Variants in DTNA observed in about 807,000 individuals in gnomAD.
DTNA encodes the protein dystrophin-related protein 3.
A neutral mutation model predicts 100.7 loss-of-function variants in DTNA; 43 were observed. That is an observed-to-expected ratio of 0.43 (90% CI 0.33 to 0.55). DTNA has a LOEUF of 0.55. DTNA is among the 20% of genes least tolerant of loss of function. The pLI, the probability that DTNA is intolerant of heterozygous loss-of-function variation, is 0.04. For synonymous variants in DTNA, 349 were observed against 347.9 expected, an observed-to-expected ratio of 1.00 and a Z score of -0.04; for missense variants, 798 against 953.9, an observed-to-expected ratio of 0.84 and a Z score of 2.15.
intron 1 of DTNA, chr18:34,558,261 CA>C (rs1446949395): frequency 6.5e-6 from 1 of 153,550 alleles, no homozygotes; most frequent in Non-Finnish European, 1.4e-5. Context: ...GACTTGCGCC[CA>C]CTGTCTGGCA....
chr18:34,848,982 C>A (rs577519212), intron 14 of DTNA, among the ~76,000 whole-genome samples: 38 of 152,286 alleles, frequency 2.5e-4, no homozygotes, highest in African/African-American at 9.1e-4. Flanking sequence ...TATCAGAGCC[C>A]TTCATGCTGA....
At chr18:34,674,324 A>G (rs2077139709) in intron 1 of DTNA, among the ~76,000 whole-genome samples, 1 of 152,230 alleles carries the variant, frequency 6.6e-6, no homozygotes, top group East Asian at 1.9e-4. Context: ...CTATGCCCTT[A>G]ATAGGAAGTA....
chr18:34,829,669 C>T (rs371375166), intron 11 of DTNA, among the ~76,000 whole-genome samples, 180 bp downstream of exon 11: 2 of 152,168 alleles, frequency 1.3e-5, no homozygotes, highest in Non-Finnish European at 2.9e-5. Context: ...GCAGCTCTTT[C>T]CTCTCCTTTC....
intron 12 of DTNA, among the ~76,000 whole-genome samples, chr18:34,838,448 AT>A (rs1229825927): frequency 5.9e-5 from 9 of 152,226 alleles, no homozygotes; most frequent in Non-Finnish European, 1.3e-4. Flanking sequence ...ACCAATTTCA[AT>A]GTATTTACTC....
At position 34,624,277 on chromosome 18, in the gene DTNA, A is replaced by G. The variant is rs28606636; in HGVS notation, c.-2+130763A>G. On this transcript the variant is annotated intron_variant, in intron 1 of 19. Transcript: ENST00000283365. ...TTAATCTCAAAATCTTCAGTGTCTCATAAAGACACTGAAGTAAATAACAAT... is the reference window on the plus strand; with the variant it reads ...TTAATCTCAAAATCTTCAGTGTCTCGTAAAGACACTGAAGTAAATAACAAT... 5.2e-3 allele frequency among the ~76,000 whole-genome samples: 789 copies of G among 152,344 alleles called. 7 individuals are homozygous for G. The highest frequency in any genetic ancestry group is 0.018 in the African/African-American group (750 of 41,574).
intron 9 of DTNA, chr18:34,825,154 T>G: frequency 2.2e-6 from 3 of 1,392,312 alleles, no homozygotes; most frequent in Non-Finnish European, 3.1e-6. Flanking sequence ...TAAATAGAAA[T>G]GAGCAGGTGG....
chr18:34,702,381 G>A (rs970640881), intron 1 of DTNA, among the ~76,000 whole-genome samples: 1 of 152,126 alleles, frequency 6.6e-6, no homozygotes, highest in Non-Finnish European at 1.5e-5. Flanking sequence ...TAACAGAGAC[G>A]ATACAAGTCA....
intron 1 of DTNA, among the ~76,000 whole-genome samples, chr18:34,540,333 T>G (rs2044129523): frequency 6.6e-6 from 1 of 152,040 alleles, no homozygotes; most frequent in Admixed American, 6.6e-5. Context: ...AGATTTTATG[T>G]AGCTCCTAAT....
chr18:34,773,486 G>A (rs2093889179), intron 3 of DTNA, among the ~76,000 whole-genome samples: 1 of 152,180 alleles, frequency 6.6e-6, no homozygotes, highest in Admixed American at 6.5e-5. Flanking sequence ...TTCACAGTTG[G>A]GGAAATAAAC....
intron 3 of DTNA, among the ~76,000 whole-genome samples, chr18:34,774,730 C>T (rs902085834): frequency 2.0e-5 from 3 of 152,306 alleles, no homozygotes; most frequent in African/African-American, 7.2e-5. Context: ...TCACTCTCAC[C>T]TGTCGAAGAG....
At chr18:34,799,264 G>A (rs770060329) in intron 4 of DTNA, among the ~76,000 whole-genome samples, 5 of 152,074 alleles carry the variant, frequency 3.3e-5, no homozygotes, top group Non-Finnish European at 5.9e-5. Flanking sequence ...TGGGCCATTT[G>A]AACACCCATG....
intron 1 of DTNA, among the ~76,000 whole-genome samples, chr18:34,514,956 C>T (rs1339822858): frequency 6.6e-6 from 1 of 151,836 alleles, no homozygotes; most frequent in Non-Finnish European, 1.5e-5. Flanking sequence ...TGAAACTCAC[C>T]CTGTGCTGGC....
chr18:34,888,208 G>A lies in DTNA; in HGVS notation c.*474G>A. 2 of 985,804 alleles carry A rather than the reference G, an allele frequency of 2.0e-6. No homozygotes were observed. The highest frequency in any genetic ancestry group is 9.4e-5 in the South Asian group (2 of 21,284). The allele number at this position is 985,804 out of a possible 1,614,324, so 61.1% of individuals were successfully genotyped here. A position where few individuals can be genotyped will look rare whatever the true frequency, so the allele number is the denominator to read the frequency against. On this transcript the variant is annotated 3_prime_UTR_variant, in exon 23 of 23. Transcript: ENST00000444659. ...ACAATATTAATACTGTTTATAGCTA[G>A]AAGTTTGATTTCTGAATTCTTTGAG... is the stretch of plus-strand genomic sequence containing the variant.
At chr18:34,668,731 C>T (rs1008436305) in intron 1 of DTNA, among the ~76,000 whole-genome samples, 43 of 152,044 alleles carry the variant, frequency 2.8e-4, no homozygotes, top group Admixed American at 7.2e-4. Flanking sequence ...TGTAGTTGAG[C>T]GGTTTTGAGT....
At chr18:34,789,208 T>C (rs758025768) in intron 3 of DTNA, among the ~76,000 whole-genome samples, 2 of 152,230 alleles carry the variant, frequency 1.3e-5, no homozygotes, top group Non-Finnish European at 2.9e-5. Flanking sequence ...CAGTTTTTTC[T>C]GCATAGTACC....
intron 1 of DTNA, among the ~76,000 whole-genome samples, chr18:34,583,655 A>G (rs2048849003): frequency 6.6e-6 from 1 of 152,020 alleles, no homozygotes; most frequent in Non-Finnish European, 1.5e-5. Flanking sequence ...AGATGTAGAA[A>G]CCCAGGTGTC....
At chr18:34,545,967 C>T (rs8096562) in intron 1 of DTNA, among the ~76,000 whole-genome samples, 3 of 152,072 alleles carry the variant, frequency 2.0e-5, no homozygotes, top group African/African-American at 4.8e-5. Flanking sequence ...GTGTGCAGCA[C>T]GTTTGTTCAG....
intron 2 of DTNA, among the ~76,000 whole-genome samples, chr18:34,765,442 C>T (rs1405075204): frequency 6.6e-6 from 1 of 152,124 alleles, no homozygotes; most frequent in African/African-American, 2.4e-5. Context: ...TACAACAGTC[C>T]TGTGCAATAA....
intron 1 of DTNA, among the ~76,000 whole-genome samples, chr18:34,703,984 T>C (rs181027206): frequency 2.6e-5 from 4 of 152,324 alleles, no homozygotes; most frequent in Admixed American, 2.6e-4. Flanking sequence ...CCTTATATCC[T>C]TTTCAAACTG....
Sources: gnomAD v4.1 joint callset for allele counts (sites outside exome capture counted in the v4.1 genomes callset) on GRCh38, gnomAD v4.1.1 for gene constraint, MANE v1.5 for transcripts, NCBI Gene and HGNC (gene_info 2026-07-23, HGNC 2026-07-21) for gene names.